SLC29A4: variants seen among roughly 807,000 people sequenced by gnomAD.
The protein encoded by SLC29A4 is equilibrative nucleoside transporter 4.
A neutral mutation model predicts 43.9 loss-of-function variants in SLC29A4; 36 were observed. The ratio of observed to expected loss-of-function variants is 0.82; its 90% CI spans 0.63 to 1.08. The LOEUF (loss-of-function observed/expected upper bound fraction) is 1.08, where lower values mean the gene tolerates loss of function less well. Ranked by LOEUF, SLC29A4 falls within the 50% of genes least tolerant of loss-of-function variation. SLC29A4 has a pLI of 0.00. For synonymous variants in SLC29A4, 491 were observed against 338.0 expected, an observed-to-expected ratio of 1.45 and a Z score of -4.97; for missense variants, 869 against 755.3, an observed-to-expected ratio of 1.15 and a Z score of -1.77.
chr7:5,289,434 C>T (rs1785168834), intron 2 of SLC29A4, among the ~76,000 whole-genome samples: 2 of 151,960 alleles, frequency 1.3e-5, no homozygotes, highest in African/African-American at 4.8e-5. Flanking sequence ...AAAGTGGGAG[C>T]TAGTTAAGCC....
intron 10 of SLC29A4, among the ~76,000 whole-genome samples, chr7:5,302,481 T>C (rs554360360): frequency 1.3e-5 from 2 of 152,144 alleles, no homozygotes; most frequent in Non-Finnish European, 2.9e-5. Context: ...AGGTCAAGGC[T>C]GCAGGAAGCT....
chr7:5,294,841 C>T lies in SLC29A4; in HGVS notation c.545-19C>T, dbSNP rs1785538518. 1.3e-6 allele frequency: 2 copies of T among 1,542,196 alleles called. No individual in the cohort carries two copies. Among genetic ancestry groups the T allele is most frequent in the Non-Finnish European group, 1.8e-6 (2 of 1,127,678 alleles). On this transcript the variant is annotated intron_variant, in intron 5 of 10. Transcript: ENST00000396872. ...GTGATAATGGTGCCTCTGGGTTGTT[C>T]CTCTCTCTCTCTCTTAAGTGCAGCA... is the stretch of plus-strand genomic sequence containing the variant.
In SLC29A4 at chr7:5,291,627, G is replaced by T. The variant is rs1785315157; in HGVS notation, c.416-66G>T. ...GCCTCAGAGCGACTCTGCAGGAGGGGCGAGGAGGAGGGGGACCCCACCCAG... is the reference window on the plus strand; with the variant it reads ...GCCTCAGAGCGACTCTGCAGGAGGGTCGAGGAGGAGGGGGACCCCACCCAG... On this transcript the variant is annotated intron_variant, in intron 4 of 10. Transcript: ENST00000396872. 4.6e-6 allele frequency: 7 copies of T among 1,514,430 alleles called. No individual in the cohort carries two copies. In the African/African-American group the frequency reaches 8.2e-5, roughly 18 times the overall value. The allele number at this position is 1,514,430 out of a possible 1,614,324, so 93.8% of individuals were successfully genotyped here. A position where few individuals can be genotyped will look rare whatever the true frequency, so the allele number is the denominator to read the frequency against.
chr7:5,295,724 CT>C, intron 6 of SLC29A4, among the ~76,000 whole-genome samples: 2 of 150,450 alleles, frequency 1.3e-5, no homozygotes, highest in African/African-American at 2.4e-5. Flanking sequence ...TTCTGCAACC[CT>C]CTGCCTGGTG....
Position 5,305,561 on chromosome 7 carries a change from T to A in SLC29A4, c.*2622T>A, listed in dbSNP as rs1786442170. On this transcript the variant is annotated 3_prime_UTR_variant, in exon 11 of 11. Transcript: ENST00000396872. ...GGCTGGAAATGTGCAGCTTTGCTTT[T>A]TTTTTTTTTTTTTTTGGAGGAGTTT... 6.7e-6 allele frequency: 1 copy of A among 149,836 alleles called. No homozygotes were observed. Among genetic ancestry groups the A allele is most frequent in the African/African-American group, 2.4e-5 (1 of 40,944 alleles). 9.3% of individuals were successfully genotyped at this position (149,836 alleles called of 1,614,324 possible).
In SLC29A4 at chr7:5,295,045, A is replaced by G. The variant is rs1378032733; in HGVS notation, c.619+111A>G. 4.2e-6 allele frequency: 4 copies of G among 963,064 alleles called. No individual in the cohort carries two copies. The African/African-American group carries it at 5.0e-5, about 12-fold the overall frequency. The allele number at this position is 963,064 out of a possible 1,614,324, so 59.7% of individuals were successfully genotyped here. ...CCCCGGTCTGGGAGGGAGGCTCACA[A>G]TCCCTGGGCAGACTGAGCTAGGGAC... On this transcript the variant is annotated intron_variant, in intron 6 of 10. Coordinates refer to ENST00000396872, the MANE Select transcript of SLC29A4 (RefSeq NM_153247.4).
At chr7:5,288,076 A>G (rs1785072881) in intron 2 of SLC29A4, 91 bp downstream of exon 2, 2 of 1,447,102 alleles carry the variant, frequency 1.4e-6, no homozygotes, top group South Asian at 1.5e-5. Flanking sequence ...TCGGGGAGCC[A>G]TGGGTGGTCA....
intron 10 of SLC29A4, 115 bp from the exon 11 acceptor site, chr7:5,302,682 G>C: frequency 9.7e-7 from 1 of 1,028,478 alleles, no homozygotes; most frequent in Non-Finnish European, 1.4e-6. Flanking sequence ...TGGGGCAGCG[G>C]GTCCTGGAGG....
chr7:5,288,883 A>G (rs10081393), intron 2 of SLC29A4, among the ~76,000 whole-genome samples: 18 of 152,040 alleles, frequency 1.2e-4, no homozygotes, highest in Middle Eastern at 3.4e-3. Flanking sequence ...GTTCAAGCCT[A>G]CCTCCCATCC....
At chr7:5,289,368 G>A (rs1381509405) in intron 2 of SLC29A4, among the ~76,000 whole-genome samples, 1 of 152,126 alleles carries the variant, frequency 6.6e-6, no homozygotes, top group African/African-American at 2.4e-5. Flanking sequence ...CTGCACTCCA[G>A]CCTGAGCAAC....
chr7:5,290,747 T>G lies in SLC29A4; in HGVS notation c.185T>G (p.Val62Gly). 3.1e-6 allele frequency: 5 copies of G among 1,612,404 alleles called. No individual in the cohort carries two copies. Among genetic ancestry groups the G allele is most frequent in the Non-Finnish European group, 4.2e-6 (5 of 1,178,786 alleles). The change falls in exon 3 of 11, where the codon GTG becomes GGG. Residue 62 changes from valine to glycine, a missense_variant. Physicochemically the swap from Val to Gly is moderately radical, Grantham distance 109 (BLOSUM62 -3). Coordinates refer to ENST00000396872, the MANE Select transcript of SLC29A4 (RefSeq NM_153247.4). The part of the protein sequence containing the change: ...AFTDTTLDEP[V>G]PDDRYHAIYF... ...CTGGCTTTAGCATTGGACGAGCCAGTGCCCGATGACCGTTATCACGCCATC... is the reference window on the plus strand; with the variant it reads ...CTGGCTTTAGCATTGGACGAGCCAGGGCCCGATGACCGTTATCACGCCATC...
intron 6 of SLC29A4, among the ~76,000 whole-genome samples, chr7:5,295,251 C>T (rs1285161527): frequency 2.6e-5 from 4 of 152,018 alleles, no homozygotes; most frequent in Non-Finnish European, 4.4e-5. Flanking sequence ...TCTGCGTGTG[C>T]GCGTGTGTTA....
chr7:5,287,016 C>T (rs1054210709), intron 1 of SLC29A4, among the ~76,000 whole-genome samples: 4 of 152,234 alleles, frequency 2.6e-5, no homozygotes, highest in Admixed American at 2.0e-4. Context: ...TGCCCACTGC[C>T]ACCATGCAGG....
At chr7:5,299,721 G>C (rs1210474165) in intron 9 of SLC29A4, among the ~76,000 whole-genome samples, 1 of 152,218 alleles carries the variant, frequency 6.6e-6, no homozygotes, top group Non-Finnish European at 1.5e-5. Flanking sequence ...GGATGCCCCA[G>C]AGGGGACTCA....
At chr7:5,294,790 C>G (rs1785534939) in intron 5 of SLC29A4, 70 bp from the exon 6 acceptor site, 1 of 1,501,738 alleles carries the variant, frequency 6.7e-7, no homozygotes, top group Non-Finnish European at 9.3e-7. Flanking sequence ...ACACAGTTCT[C>G]TAGTGCATTT....
chr7:5,299,447 C>T lies in SLC29A4; in HGVS notation c.1209+20C>T, dbSNP rs189027532. The T allele has an allele frequency of 2.3e-4, 376 of 1,603,020 alleles. No individual in the cohort carries two copies. The African/African-American group carries it at 4.1e-3, about 18-fold the overall frequency. On this transcript the variant is annotated intron_variant, in intron 9 of 10. Transcript: ENST00000396872. ...GGCAAGGTGGGCTGCCTGCCCTGCCCGGTGTCGGGGGACGCCATGGGGTGG... is the reference window on the plus strand; with the variant it reads ...GGCAAGGTGGGCTGCCTGCCCTGCCTGGTGTCGGGGGACGCCATGGGGTGG...
intron 2 of SLC29A4, among the ~76,000 whole-genome samples, chr7:5,289,338 A>G (rs1284741773): frequency 6.6e-6 from 1 of 152,174 alleles, no homozygotes; most frequent in South Asian, 2.1e-4. Context: ...GGGTGGTCGT[A>G]GTGAGCCAAG....
At chr7:5,293,162 CTTTTTTTTTT>C (rs58758343) in intron 5 of SLC29A4, among the ~76,000 whole-genome samples, 2 of 117,278 alleles carry the variant, frequency 1.7e-5, no homozygotes, top group South Asian at 5.2e-4. Context: ...TTTTTTTTCT[CTTTTTTTTTT>C]TTTTTTTTTT....
In SLC29A4 at chr7:5,288,675, A is replaced by G. The variant is rs1376305490; in HGVS notation, c.169+690A>G. On this transcript the variant is annotated intron_variant, in intron 2 of 10. Coordinates refer to ENST00000396872, the MANE Select transcript of SLC29A4 (RefSeq NM_153247.4). ...CCAAAGCAAGCTATGCCTCACTGCA[A>G]AGGAGCCAGGAAAGTGCCTGAATAG... Among the ~76,000 whole-genome samples the G allele has an allele frequency of 3.3e-5, 5 of 152,188 alleles. No homozygotes were observed. The East Asian group carries it at 7.7e-4, about 24-fold the overall frequency.
Sources: allele counts gnomAD v4.1 joint callset (sites outside exome capture counted in the v4.1 genomes callset), GRCh38; gene constraint gnomAD v4.1.1; transcripts MANE v1.5; gene names NCBI Gene and HGNC (gene_info 2026-07-23, HGNC 2026-07-21).